ATP10A: variants seen among roughly 807,000 people sequenced by gnomAD.
The protein encoded by ATP10A is ATPase phospholipid transporting 10A (putative), also known as phospholipid-transporting ATPase VA.
A neutral mutation model predicts 147.8 loss-of-function variants in ATP10A; 111 were observed. That is an observed-to-expected ratio of 0.75 (90% CI 0.64 to 0.88). The LOEUF (loss-of-function observed/expected upper bound fraction) is 0.88, where lower values mean the gene tolerates loss of function less well. Among genes scored for constraint, ATP10A ranks in the 40% least tolerant of loss-of-function variants. The probability of loss-of-function intolerance (pLI) is 0.00; values close to 1 mark genes in which losing one functional copy is unlikely to be tolerated. For missense variants in ATP10A, 1,927 were observed against 1,959.0 expected, an observed-to-expected ratio of 0.98 and a Z score of 0.31; for synonymous variants, 875 against 841.6, an observed-to-expected ratio of 1.04 and a Z score of -0.69.
At chr15:25,740,195 A>G (rs1887507785) in intron 2 of ATP10A, among the ~76,000 whole-genome samples, 2 of 152,262 alleles carry the variant, frequency 1.3e-5, no homozygotes. Flanking sequence ...TCCATCTTGA[A>G]ACAGCAGTGA....
chr15:25,703,041 G>A (rs1430453567), intron 12 of ATP10A, among the ~76,000 whole-genome samples: 3 of 152,216 alleles, frequency 2.0e-5, no homozygotes, highest in East Asian at 1.9e-4. Flanking sequence ...GGGCTCCCTC[G>A]ATGGGATCAG....
chr15:25,683,523 CT>C, intron 16 of ATP10A, 37 bp from the exon 17 acceptor site: 8 of 1,570,052 alleles, frequency 5.1e-6, no homozygotes, highest in Non-Finnish European at 6.9e-6. Context: ...ACAGGCGAGT[CT>C]TCAGCCATTG....
intron 4 of ATP10A, among the ~76,000 whole-genome samples, 186 bp downstream of exon 4, chr15:25,726,974 G>A (rs375285242): frequency 8.0e-5 from 12 of 149,834 alleles, no homozygotes; most frequent in South Asian, 2.1e-4. Context: ...GGAGAATGGC[G>A]TGAACCCGGA....
chr15:25,770,362 C>T (rs747264905), intron 2 of ATP10A, among the ~76,000 whole-genome samples: 5 of 152,176 alleles, frequency 3.3e-5, no homozygotes, highest in Admixed American at 6.5e-5. Context: ...CCAGGCCCTG[C>T]GCCCCAACTG....
intron 1 of ATP10A, among the ~76,000 whole-genome samples, chr15:25,807,738 G>A (rs1021226492): frequency 6.6e-6 from 1 of 152,024 alleles, no homozygotes; most frequent in African/African-American, 2.4e-5. Flanking sequence ...GGAGGCAGAG[G>A]TTGCAGTGAG....
intron 12 of ATP10A, 93 bp from the exon 13 acceptor site, chr15:25,702,193 G>A: frequency 7.7e-7 from 1 of 1,298,408 alleles, no homozygotes; most frequent in Non-Finnish European, 1.1e-6. Context: ...ATACACCGAA[G>A]GCAGGCACTG....
chr15:25,715,621 C>A (rs1197616446), intron 9 of ATP10A, among the ~76,000 whole-genome samples: 1 of 152,266 alleles, frequency 6.6e-6, no homozygotes, highest in Non-Finnish European at 1.5e-5. Flanking sequence ...AGGAGATGAA[C>A]TGCAGCTTCG....
In ATP10A at chr15:25,769,919, G is replaced by A. The variant is rs189497850; in HGVS notation, c.654+11100C>T. Among the ~76,000 whole-genome samples the A allele has an allele frequency of 3.5e-3, 529 of 152,296 alleles. 5 individuals carry two copies. Among genetic ancestry groups the A allele is most frequent in the African/African-American group, 0.012 (506 of 41,564 alleles). The stretch of plus-strand genomic sequence containing the variant: ...GACTGAGATGGACCCTGATCCAACA[G>A]GACTGGTGTCCTTAAAGAAGAGATC... On this transcript the variant is annotated intron_variant, in intron 2 of 20. Coordinates refer to ENST00000555815, the MANE Select transcript of ATP10A (RefSeq NM_024490.4).
chr15:25,725,915 G>A, intron 5 of ATP10A, 36 bp downstream of exon 5: 1 of 1,583,578 alleles, frequency 6.3e-7, no homozygotes, highest in South Asian at 1.1e-5. Context: ...ACTGCGCCTG[G>A]CCCCCACTCA....
intron 12 of ATP10A, among the ~76,000 whole-genome samples, chr15:25,705,743 A>G (rs1235258075): frequency 6.6e-6 from 1 of 152,146 alleles, no homozygotes; most frequent in Non-Finnish European, 1.5e-5. Flanking sequence ...TGGTATAAAT[A>G]CTCCCACCTT....
rs1340216687 is a variant in ATP10A at position 25,700,376 on chromosome 15, T to C, written c.2760+1540A>G. Among the ~76,000 whole-genome samples, 24 of 152,234 alleles carry C rather than the reference T, an allele frequency of 1.6e-4. 1 individual carries two copies. The highest frequency in any genetic ancestry group is 2.9e-5 in the Non-Finnish European group (2 of 68,040). On this transcript the variant is annotated intron_variant, in intron 13 of 20. Transcript: ENST00000555815. ...ATGAAAACATGTTCACACAAAAACC[T>C]GTATACACACATTTATAGAAGTGCT...
chr15:25,838,207 C>T (rs1249226234), intron 1 of ATP10A, among the ~76,000 whole-genome samples: 1 of 152,216 alleles, frequency 6.6e-6, no homozygotes, highest in Admixed American at 6.5e-5. Flanking sequence ...TTTGATGTTT[C>T]AATCAAATGT....
chr15:25,778,714 G>T (rs376830333), intron 2 of ATP10A, among the ~76,000 whole-genome samples: 1 of 152,096 alleles, frequency 6.6e-6, no homozygotes, highest in Non-Finnish European at 1.5e-5. Flanking sequence ...GTCTGCAGCC[G>T]TCCTCGAGTT....
At chr15:25,794,091 C>T (rs1465336299) in intron 1 of ATP10A, among the ~76,000 whole-genome samples, 1 of 152,230 alleles carries the variant, frequency 6.6e-6, no homozygotes, top group African/African-American at 2.4e-5. Context: ...GAAAAGGCTT[C>T]ACTGATTATA....
intron 12 of ATP10A, among the ~76,000 whole-genome samples, chr15:25,702,833 C>G (rs894778845): frequency 1.3e-5 from 2 of 151,578 alleles, no homozygotes; most frequent in African/African-American, 4.9e-5. Context: ...TGAGCTGCAG[C>G]CCTGGTCCCT....
chr15:25,719,855 G>A (rs1902102731), intron 7 of ATP10A, among the ~76,000 whole-genome samples: 1 of 152,214 alleles, frequency 6.6e-6, no homozygotes, highest in Non-Finnish European at 1.5e-5. Flanking sequence ...TACGTGAGCA[G>A]GGCTTGGGGC....
intron 3 of ATP10A, 134 bp downstream of exon 3, chr15:25,735,921 TG>T: frequency 1.3e-6 from 1 of 799,734 alleles, no homozygotes; most frequent in East Asian, 2.7e-5. Context: ...GCTCAGGTGC[TG>T]GGCCACATTC....
chr15:25,844,108 G>C (rs1418767167), intron 1 of ATP10A, among the ~76,000 whole-genome samples: 2 of 152,080 alleles, frequency 1.3e-5, no homozygotes, highest in African/African-American at 2.4e-5. Context: ...AATGATACAA[G>C]GCCACAAAGC....
In ATP10A at chr15:25,683,411, G is replaced by T. The variant is rs370822265; in HGVS notation, c.3367C>A (p.Leu1123Ile). The T allele has an allele frequency of 2.2e-5, 35 of 1,613,966 alleles. No homozygotes were observed. In the African/African-American group the frequency reaches 4.4e-4, roughly 20 times the overall value. ...SASTMIDQWY[L>I]IFFNLLFSSL... ...GAGAAGAGCAGATTAAAGAAGATTAGATACCACTGGTCAATCATGGTAGAT... is the reference window on the plus strand; with the variant it reads ...GAGAAGAGCAGATTAAAGAAGATTATATACCACTGGTCAATCATGGTAGAT... The change falls in exon 17 of 21, where the codon CTA (leucine) becomes ATA (isoleucine). Residue 1123 changes from leucine to isoleucine, a missense_variant. Transcript: ENST00000555815.
Sources: gnomAD v4.1 joint callset for allele counts (sites outside exome capture counted in the v4.1 genomes callset) on GRCh38, gnomAD v4.1.1 for gene constraint, MANE v1.5 for transcripts, NCBI Gene and HGNC (gene_info 2026-07-23, HGNC 2026-07-21) for gene names.